The following TMOD1 variants were observed in gnomAD, a reference collection of about 807,000 sequenced individuals.
TMOD1 encodes the protein tropomodulin-1.
TMOD1 carries 17 observed loss-of-function variants against 40.6 expected under a neutral mutation model. The observed-to-expected ratio is 0.42, with a 90% CI of 0.29 to 0.63. The LOEUF (loss-of-function observed/expected upper bound fraction) is 0.63, where lower values mean the gene tolerates loss of function less well. TMOD1 is among the 20% of genes least tolerant of loss of function. The pLI is 0.22. For missense variants in TMOD1, 391 were observed against 447.6 expected (o/e 0.87, Z 1.14); for synonymous variants, 181 against 175.0 (o/e 1.03, Z -0.27).
chr9:97,509,552 C>T (rs1829661275), intron 1 of TMOD1, among the ~76,000 whole-genome samples: 1 of 150,020 alleles, frequency 6.7e-6, no homozygotes, highest in South Asian at 2.1e-4. Context: ...ACTCTTTCAC[C>T]CAGGCTGGAG....
chr9:97,595,533 CTTTTTTT>C lies in TMOD1; in HGVS notation c.1016-4087_1016-4081del, dbSNP rs71487335. Among the ~76,000 whole-genome samples the C allele has an allele frequency of 1.0e-3, 123 of 121,676 alleles. 1 individual carries two copies. Among genetic ancestry groups the C allele is most frequent in the African/African-American group, 3.5e-3 (113 of 32,482 alleles). The allele number at this position is 121,676 out of a possible 152,430, so 79.8% of individuals were successfully genotyped here. A position where few individuals can be genotyped will look rare whatever the true frequency, so the allele number is the denominator to read the frequency against. ...ATGTGGTTGCAAATGAACAAATTTC[CTTTTTTT>C]TTTTTTTTTTTTTAAAGAAAAGGCT... is the stretch of plus-strand genomic sequence containing the variant. On this transcript the variant is annotated intron_variant, in intron 9 of 9. Coordinates refer to ENST00000259365, the MANE Select transcript of TMOD1 (RefSeq NM_003275.4).
chr9:97,526,739 C>G (rs1324593957), intron 2 of TMOD1, among the ~76,000 whole-genome samples: 1 of 152,132 alleles, frequency 6.6e-6, no homozygotes, highest in African/African-American at 2.4e-5. Flanking sequence ...CAATCCCAAC[C>G]CTGTCTCTTC....
chr9:97,574,162 CT>C (rs1830871098), intron 8 of TMOD1, among the ~76,000 whole-genome samples: 1 of 152,182 alleles, frequency 6.6e-6, no homozygotes, highest in African/African-American at 2.4e-5. Context: ...GTGGGAGCCC[CT>C]TTCTGGGCTG....
At chr9:97,573,102 T>TGATG (rs1830846631) in intron 8 of TMOD1, among the ~76,000 whole-genome samples, 2 of 152,304 alleles carry the variant, frequency 1.3e-5, no homozygotes, top group South Asian at 4.1e-4. Context: ...CTGGCTGCAC[T>TGATG]GATGGATGGA....
chr9:97,524,423 T>C, intron 2 of TMOD1, 115 bp downstream of exon 2: 1 of 1,336,868 alleles, frequency 7.5e-7, no homozygotes. Context: ...ATGACATTGG[T>C]ATAACTTTGC....
intron 1 of TMOD1, among the ~76,000 whole-genome samples, chr9:97,504,800 C>A (rs1829566442): frequency 6.6e-6 from 1 of 152,180 alleles, no homozygotes. Context: ...TCGTAATGGC[C>A]TTTTCCAGTC....
At chr9:97,530,802 T>TC (rs1172371951) in intron 2 of TMOD1, among the ~76,000 whole-genome samples, 1 of 148,718 alleles carries the variant, frequency 6.7e-6, no homozygotes, top group Non-Finnish European at 1.5e-5. Context: ...TTTTTTTTTT[T>TC]TTTTGAGACA....
chr9:97,563,922 T>A, intron 5 of TMOD1, 116 bp from the exon 6 acceptor site: 11 of 1,298,308 alleles, frequency 8.5e-6, no homozygotes, highest in Non-Finnish European at 9.4e-6. Flanking sequence ...GCCCCTGTGA[T>A]GTGCAGCCCT....
chr9:97,544,353 T>A (rs1830324779), intron 2 of TMOD1, among the ~76,000 whole-genome samples: 1 of 152,098 alleles, frequency 6.6e-6, no homozygotes, highest in African/African-American at 2.4e-5. Context: ...CTAGCCAATA[T>A]GGTGAAACCC....
chr9:97,510,702 G>A (rs894459933), intron 1 of TMOD1, among the ~76,000 whole-genome samples: 3 of 152,202 alleles, frequency 2.0e-5, no homozygotes, highest in African/African-American at 7.2e-5. Context: ...TCCTCAGGTA[G>A]CTTTTAGTCT....
chr9:97,595,177 AAAATT>A (rs370521785), intron 9 of TMOD1, among the ~76,000 whole-genome samples: 535 of 152,282 alleles, frequency 3.5e-3, no homozygotes, highest in African/African-American at 0.011. Context: ...ACAATGTGGA[AAAATT>A]AAATTAAGTG....
intron 3 of TMOD1, 86 bp from the exon 4 acceptor site, chr9:97,553,195 C>G (rs1411385145): frequency 2.5e-6 from 4 of 1,590,628 alleles, no homozygotes; most frequent in Non-Finnish European, 3.4e-6. Context: ...CCACAGGGCT[C>G]TACAATGGTC....
chr9:97,511,070 GCA>G (rs1301741475), intron 1 of TMOD1, among the ~76,000 whole-genome samples: 3 of 147,314 alleles, frequency 2.0e-5, no homozygotes, highest in Non-Finnish European at 3.0e-5. Context: ...ACCCGCGCGC[GCA>G]CACACACACA....
intron 4 of TMOD1, among the ~76,000 whole-genome samples, chr9:97,561,770 C>A (rs1220198215): frequency 2.0e-5 from 3 of 152,270 alleles, no homozygotes; most frequent in Admixed American, 1.3e-4. Flanking sequence ...GCCAACCTGA[C>A]CTTCCTCCCT....
At chr9:97,585,817 T>G (rs1563999045) in intron 8 of TMOD1, among the ~76,000 whole-genome samples, 1 of 138,956 alleles carries the variant, frequency 7.2e-6, no homozygotes, top group Non-Finnish European at 1.5e-5. Context: ...GGCTTCTGCA[T>G]TCTTCACGTA....
chr9:97,542,344 A>G (rs971384489), intron 2 of TMOD1, among the ~76,000 whole-genome samples: 2 of 152,240 alleles, frequency 1.3e-5, no homozygotes, highest in African/African-American at 4.8e-5. Context: ...TAAAAATGTG[A>G]TAAGCTTAGA....
At chr9:97,572,766 G>T (rs977303776) in intron 8 of TMOD1, among the ~76,000 whole-genome samples, 1 of 152,120 alleles carries the variant, frequency 6.6e-6, no homozygotes, top group Admixed American at 6.5e-5. Flanking sequence ...CTCCTTATAC[G>T]GCCAGGGAAA....
intron 1 of TMOD1, among the ~76,000 whole-genome samples, chr9:97,522,808 T>C (rs894763067): frequency 6.6e-6 from 1 of 152,016 alleles, no homozygotes; most frequent in African/African-American, 2.4e-5. Flanking sequence ...AGCAATCCTC[T>C]CACCTCAGCC....
intron 5 of TMOD1, among the ~76,000 whole-genome samples, chr9:97,563,447 C>T (rs78285462): frequency 6.7e-4 from 102 of 152,250 alleles, no homozygotes; most frequent in African/African-American, 2.4e-3. Context: ...ATCCAGTGGT[C>T]CCAACACCAT....
Sources: gnomAD v4.1 joint callset for allele counts (sites outside exome capture counted in the v4.1 genomes callset) on GRCh38, gnomAD v4.1.1 for gene constraint, MANE v1.5 for transcripts, NCBI Gene and HGNC (gene_info 2026-07-23, HGNC 2026-07-21) for gene names.